Variants in CCDC13 observed in about 807,000 individuals in gnomAD.
The protein encoded by CCDC13 is coiled-coil domain-containing protein 13.
Under a neutral mutation model 87.3 loss-of-function variants are expected in CCDC13, and 70 were observed. That is an observed-to-expected ratio of 0.80 (90% CI 0.66 to 0.98). The LOEUF (loss-of-function observed/expected upper bound fraction) is 0.98. Ranked by LOEUF, CCDC13 falls within the 50% of genes least tolerant of loss-of-function variation. The pLI, the probability that CCDC13 is intolerant of heterozygous loss-of-function variation, is 0.00. For synonymous variants in CCDC13, 317 were observed against 360.3 expected (o/e 0.88, Z 1.36); for missense variants, 842 against 892.0 (o/e 0.94, Z 0.71).
rs184329233 is a variant in CCDC13, at chr3:42,717,300, C to T, written c.1719-3984G>A. 2.1e-3 allele frequency among the ~76,000 whole-genome samples: 322 copies of T among 152,014 alleles called. 3 individuals carry two copies. The highest frequency in any genetic ancestry group is 7.3e-3 in the African/African-American group (303 of 41,468). ...AATTAGCTGGGCATGGTGGTGGGTG[C>T]TTGTAGTCCCAACTATTTGGGAGGC... On this transcript the variant is annotated intron_variant, in intron 13 of 15. Coordinates refer to ENST00000310232, the MANE Select transcript of CCDC13 (RefSeq NM_144719.4).
At chr3:42,763,677 G>C (rs1699878689) in intron 1 of CCDC13, among the ~76,000 whole-genome samples, 1 of 151,940 alleles carries the variant, frequency 6.6e-6, no homozygotes, top group Non-Finnish European at 1.5e-5. Flanking sequence ...GATAATTTTT[G>C]TATGTTTTTG....
intron 8 of CCDC13, among the ~76,000 whole-genome samples, chr3:42,742,216 C>T (rs189938523): frequency 1.3e-5 from 2 of 152,304 alleles, no homozygotes; most frequent in Admixed American, 1.3e-4. Context: ...GGTCACATAA[C>T]CCAGGCTAGA....
chr3:42,769,773 G>A (rs1043334150), intron 1 of CCDC13, among the ~76,000 whole-genome samples: 1 of 152,270 alleles, frequency 6.6e-6, no homozygotes, highest in African/African-American at 2.4e-5. Context: ...GAGGGTTCTG[G>A]GTGGGTGTGG....
intron 5 of CCDC13, among the ~76,000 whole-genome samples, chr3:42,749,256 C>T (rs1043124110): frequency 6.6e-6 from 1 of 152,172 alleles, no homozygotes; most frequent in African/African-American, 2.4e-5. Context: ...GCCATGAGCC[C>T]CAGTGGCCCT....
chr3:42,720,258 A>T (rs1262831920), intron 13 of CCDC13, among the ~76,000 whole-genome samples: 3 of 152,144 alleles, frequency 2.0e-5, no homozygotes, highest in Non-Finnish European at 4.4e-5. Context: ...CTAGTTGTTT[A>T]AAAAAAGGGA....
chr3:42,766,396 T>C (rs560802618), intron 1 of CCDC13, among the ~76,000 whole-genome samples: 86 of 151,928 alleles, frequency 5.7e-4, no homozygotes, highest in African/African-American at 2.0e-3. Context: ...AAGAGACAGC[T>C]GGAAGCAAGT....
chr3:42,738,978 G>A (rs1020392912), intron 9 of CCDC13, among the ~76,000 whole-genome samples: 1 of 152,164 alleles, frequency 6.6e-6, no homozygotes, highest in African/African-American at 2.4e-5. Flanking sequence ...GGGCATCCTT[G>A]TCCTGTGCTG....
chr3:42,750,650 T>C (rs1240618560), intron 5 of CCDC13, among the ~76,000 whole-genome samples: 2 of 152,224 alleles, frequency 1.3e-5, no homozygotes, highest in African/African-American at 2.4e-5. Flanking sequence ...GTATTTTTAC[T>C]AGAGATGGTG....
At chr3:42,710,029 G>T (rs997398605) in intron 14 of CCDC13, among the ~76,000 whole-genome samples, 1 of 151,878 alleles carries the variant, frequency 6.6e-6, no homozygotes, top group East Asian at 1.9e-4. Context: ...GACTCTGCTC[G>T]CTTTGTACCA....
chr3:42,755,916 G>A (rs1305574900), intron 3 of CCDC13, among the ~76,000 whole-genome samples: 1 of 152,140 alleles, frequency 6.6e-6, no homozygotes. Flanking sequence ...TTGCAAAAGT[G>A]CAAGTGGCCC....
At chr3:42,765,922 G>A (rs958281911) in intron 1 of CCDC13, among the ~76,000 whole-genome samples, 2 of 152,196 alleles carry the variant, frequency 1.3e-5, no homozygotes, top group Non-Finnish European at 1.5e-5. Context: ...ATCCTGAGGC[G>A]CTGGAGATGT....
chr3:42,770,292 T>C (rs530700338), intron 1 of CCDC13, among the ~76,000 whole-genome samples: 2 of 152,276 alleles, frequency 1.3e-5, no homozygotes, highest in South Asian at 4.1e-4. Flanking sequence ...ATCTAGCTAA[T>C]CTGGTGGGGA....
chr3:42,749,664 C>A (rs1016989827), intron 5 of CCDC13, among the ~76,000 whole-genome samples: 6 of 152,244 alleles, frequency 3.9e-5, no homozygotes, highest in African/African-American at 1.4e-4. Flanking sequence ...TACCTCTAAG[C>A]CATTTCAGAG....
chr3:42,745,752 T>A (rs1699374226), intron 7 of CCDC13, 171 bp downstream of exon 7: 1 of 516,442 alleles, frequency 1.9e-6, no homozygotes, highest in African/African-American at 1.9e-5. Flanking sequence ...CAAATTAAAA[T>A]CAGGCTGGTT....
rs114523429 is a variant in CCDC13 at position 42,772,743 on chromosome 3, T to A, written c.-7+433A>T. Among the ~76,000 whole-genome samples the A allele has an allele frequency of 1.5e-3, 232 of 152,152 alleles. 1 individual carries two copies. The highest frequency in any genetic ancestry group is 5.3e-3 in the African/African-American group (218 of 41,492). Reference sequence around the variant, plus strand: ...GGAACTCCCTCTTGCGAGTCCCCAGTCCTGTGGGGGCTGGGCCTGGAAGGG... The same window carrying A: ...GGAACTCCCTCTTGCGAGTCCCCAGACCTGTGGGGGCTGGGCCTGGAAGGG... On this transcript the variant is annotated intron_variant, in intron 1 of 15. Transcript: ENST00000310232.
intron 13 of CCDC13, among the ~76,000 whole-genome samples, chr3:42,716,008 C>T (rs114159632): frequency 6.0e-4 from 91 of 152,330 alleles, no homozygotes; most frequent in Non-Finnish European, 1.1e-3. Flanking sequence ...GACTAAGACA[C>T]ATCCTTGGAC....
chr3:42,754,317 C>A (rs1028438640), intron 3 of CCDC13, among the ~76,000 whole-genome samples: 1 of 152,086 alleles, frequency 6.6e-6, no homozygotes, highest in Non-Finnish European at 1.5e-5. Flanking sequence ...CTGAAGAAGA[C>A]AAGGACACAC....
chr3:42,734,458 G>A (rs551577866), intron 10 of CCDC13, among the ~76,000 whole-genome samples: 14 of 152,228 alleles, frequency 9.2e-5, no homozygotes, highest in African/African-American at 1.9e-4. Context: ...ATTCACTGCC[G>A]TATGTGCTCT....
intron 13 of CCDC13, among the ~76,000 whole-genome samples, chr3:42,725,193 G>A (rs577151835): frequency 5.3e-5 from 8 of 152,144 alleles, no homozygotes; most frequent in African/African-American, 1.9e-4. Flanking sequence ...TGAGGGTATG[G>A]GGAAAACAGT....
Sources: allele counts gnomAD v4.1 joint callset (sites outside exome capture counted in the v4.1 genomes callset), GRCh38; gene constraint gnomAD v4.1.1; transcripts MANE v1.5; gene names NCBI Gene and HGNC (gene_info 2026-07-23, HGNC 2026-07-21).